The following MEI4 variants were observed in gnomAD, a reference collection of about 807,000 sequenced individuals.
The protein encoded by MEI4 is meiotic double-stranded break formation protein 4, also known as meiosis-specific protein MEI4.
In MEI4, 27 loss-of-function variants were observed where a neutral mutation model predicts 31.4. That is an observed-to-expected ratio of 0.86 (90% CI 0.63 to 1.19). MEI4 has a LOEUF of 1.19. Ranked by LOEUF, MEI4 falls within the 50% of genes most tolerant of loss-of-function variation. The probability of loss-of-function intolerance (pLI) is 0.00; values close to 1 mark genes in which losing one functional copy is unlikely to be tolerated. For synonymous variants in MEI4, 122 were observed against 145.4 expected, an observed-to-expected ratio of 0.84 and a Z score of 1.16; for missense variants, 329 against 398.9, an observed-to-expected ratio of 0.82 and a Z score of 1.49.
intron 2 of MEI4, among the ~76,000 whole-genome samples, chr6:77,737,488 C>T (rs941645653): frequency 6.6e-6 from 1 of 152,076 alleles, no homozygotes; most frequent in Non-Finnish European, 1.5e-5. Context: ...AGTGCACGTT[C>T]CTAAGGGCAT....
chr6:77,730,153 A>G (rs1320593391), intron 2 of MEI4, among the ~76,000 whole-genome samples: 3 of 152,096 alleles, frequency 2.0e-5, no homozygotes, highest in Non-Finnish European at 2.9e-5. Context: ...TAGACGGTGG[A>G]GAGAGCTGTG....
At chr6:77,827,684 C>T (rs1378008110) in intron 3 of MEI4, among the ~76,000 whole-genome samples, 3 of 152,050 alleles carry the variant, frequency 2.0e-5, no homozygotes, top group African/African-American at 7.2e-5. Flanking sequence ...TGGTTTGGAC[C>T]ACAGTAGCCT....
At chr6:77,737,433 G>A (rs1354870842) in intron 2 of MEI4, among the ~76,000 whole-genome samples, 27 of 152,192 alleles carry the variant, frequency 1.8e-4, no homozygotes, top group Admixed American at 1.8e-3. Flanking sequence ...TAACAATAAA[G>A]GCTCGGGATA....
At chr6:77,891,713 A>G (rs1006549805) in intron 4 of MEI4, among the ~76,000 whole-genome samples, 1 of 152,052 alleles carries the variant, frequency 6.6e-6, no homozygotes, top group Non-Finnish European at 1.5e-5. Context: ...TGTTCTTTAC[A>G]TTGAAATTTG....
chr6:77,711,209 C>T (rs1485242240), intron 2 of MEI4, among the ~76,000 whole-genome samples: 2 of 152,004 alleles, frequency 1.3e-5, no homozygotes, highest in Non-Finnish European at 2.9e-5. Flanking sequence ...TGTTCCATAT[C>T]CATGAAAATT....
Position 77,817,400 on chromosome 6 carries a change from C to A in MEI4, c.769-11531C>A, listed in dbSNP as rs138530999. On this transcript the variant is annotated intron_variant, in intron 3 of 4. Coordinates refer to ENST00000684080, the MANE Select transcript of MEI4 (RefSeq NM_001322247.2). ...TAATATCCAGGGTGACCTTTGTTGCCTGATAGTGAGTCTTAGGGAGATCTT... is the reference window on the plus strand; with the variant it reads ...TAATATCCAGGGTGACCTTTGTTGCATGATAGTGAGTCTTAGGGAGATCTT... Among the ~76,000 whole-genome samples the A allele has an allele frequency of 1.4e-3, 212 of 152,154 alleles. 1 individual carries two copies. Among genetic ancestry groups the A allele is most frequent in the African/African-American group, 4.5e-3 (186 of 41,534 alleles).
chr6:77,697,432 C>T (rs1463159920), intron 2 of MEI4, among the ~76,000 whole-genome samples: 4 of 152,132 alleles, frequency 2.6e-5, no homozygotes, highest in African/African-American at 7.2e-5. Flanking sequence ...CTACACACTG[C>T]TTTGAATGTG....
chr6:77,694,475 A>C (rs1765955447), intron 2 of MEI4, among the ~76,000 whole-genome samples: 1 of 135,600 alleles, frequency 7.4e-6, no homozygotes, highest in African/African-American at 2.8e-5. Flanking sequence ...ATGTGTTCTC[A>C]TTGTTCAATT....
chr6:77,897,116 A>G (rs1325817641), intron 4 of MEI4, among the ~76,000 whole-genome samples: 1 of 152,010 alleles, frequency 6.6e-6, no homozygotes, highest in African/African-American at 2.4e-5. Context: ...ACTTTCCCAG[A>G]TCATATAGCT....
chr6:77,665,493 A>G (rs1417066841), intron 1 of MEI4, among the ~76,000 whole-genome samples: 6 of 152,032 alleles, frequency 3.9e-5, no homozygotes, highest in African/African-American at 1.4e-4. Context: ...AGGAAAGCAG[A>G]GAAGGGATAG....
At chr6:77,698,803 G>T (rs1766126615) in intron 2 of MEI4, among the ~76,000 whole-genome samples, 1 of 152,094 alleles carries the variant, frequency 6.6e-6, no homozygotes, top group African/African-American at 2.4e-5. Context: ...TCCTGAATCT[G>T]AACGTTGGCC....
At chr6:77,765,411 T>TTTTTAAA (rs1768146422) in intron 3 of MEI4, among the ~76,000 whole-genome samples, 1 of 151,750 alleles carries the variant, frequency 6.6e-6, no homozygotes, top group Admixed American at 6.6e-5. Flanking sequence ...ATTTTATTTT[T>TTTTTAAA]TTTTAAATTT....
chr6:77,917,643 G>A (rs1390121384), intron 4 of MEI4, among the ~76,000 whole-genome samples: 2 of 70,512 alleles, frequency 2.8e-5, no homozygotes, highest in African/African-American at 8.5e-5. Flanking sequence ...ATTTGTTTGA[G>A]TTCATTGTAG....
chr6:77,754,859 A>C (rs780821691), intron 2 of MEI4, among the ~76,000 whole-genome samples: 27 of 152,182 alleles, frequency 1.8e-4, no homozygotes, highest in Admixed American at 1.5e-3. Flanking sequence ...CACTGTCATG[A>C]GAACGACACA....
At chr6:77,920,194 C>CA (rs1186852851) in intron 4 of MEI4, among the ~76,000 whole-genome samples, 1 of 151,478 alleles carries the variant, frequency 6.6e-6, no homozygotes, top group Admixed American at 6.6e-5. Context: ...GAGACACCAC[C>CA]AAAAAAGAGA....
intron 4 of MEI4, among the ~76,000 whole-genome samples, chr6:77,914,284 T>C (rs969939523): frequency 2.6e-5 from 4 of 152,090 alleles, no homozygotes; most frequent in East Asian, 1.9e-4. Flanking sequence ...TGTTTTGATA[T>C]GTTGCGTATT....
chr6:77,739,435 A>T (rs76593382), intron 2 of MEI4, among the ~76,000 whole-genome samples: 3,109 of 152,234 alleles, frequency 0.02, 116 homozygotes, highest in African/African-American at 0.07. Flanking sequence ...GACATGGATG[A>T]ACCTGGAAGC....
intron 2 of MEI4, among the ~76,000 whole-genome samples, chr6:77,732,546 C>A (rs1361694933): frequency 5.3e-5 from 8 of 151,942 alleles, no homozygotes; most frequent in South Asian, 2.1e-4. Context: ...AAGGGGTTTT[C>A]CAGATATACA....
chr6:77,798,904 T>A (rs868586369), intron 3 of MEI4, among the ~76,000 whole-genome samples: 1,569 of 151,970 alleles, frequency 0.01, 28 homozygotes, highest in African/African-American at 0.036. Context: ...GTTGGACATT[T>A]GGCTTGGTTC....
Sources: allele counts gnomAD v4.1 joint callset (sites outside exome capture counted in the v4.1 genomes callset), GRCh38; gene constraint gnomAD v4.1.1; transcripts MANE v1.5; gene names NCBI Gene and HGNC (gene_info 2026-07-23, HGNC 2026-07-21).